Variants in LRRC31 observed in about 807,000 individuals in gnomAD.
The protein encoded by LRRC31 is leucine-rich repeat-containing protein 31.
LRRC31 carries 35 observed loss-of-function variants against 46.7 expected under a neutral mutation model. That is an observed-to-expected ratio of 0.75 (90% CI 0.57 to 0.99). The LOEUF (loss-of-function observed/expected upper bound fraction) is 0.99, where lower values mean the gene tolerates loss of function less well. LRRC31 is among the 50% of genes least tolerant of loss of function. LRRC31 has a pLI of 0.00. For missense variants in LRRC31, 613 were observed against 626.1 expected, an observed-to-expected ratio of 0.98 and a Z score of 0.22; for synonymous variants, 236 against 235.1, an observed-to-expected ratio of 1.00 and a Z score of -0.03.
rs767089845 is a variant in LRRC31, at chr3:169,854,881, A to G, written c.923T>C (p.Met308Thr). ...GFEDSPAQLV[M>T]LKHLQVLDLH... ...ATCTAGGACTTGTAGATGCTTTAGC[A>G]TGACCAACTGAGCCGGCGAGTCTTC... Residue 308 changes from methionine to threonine, a missense_variant, in exon 6 of 9, where the codon ATG becomes ACG. Coordinates refer to ENST00000316428, the MANE Select transcript of LRRC31 (RefSeq NM_024727.4). 2 of 1,614,000 alleles carry G rather than the reference A, an allele frequency of 1.2e-6. No individual in the cohort carries two copies. Among genetic ancestry groups the G allele is most frequent in the South Asian group, 1.1e-5 (1 of 91,084 alleles).
intron 2 of LRRC31, 109 bp downstream of exon 2, chr3:169,861,561 A>C: frequency 9.2e-7 from 1 of 1,087,530 alleles, no homozygotes; most frequent in Non-Finnish European, 1.3e-6. Context: ...ATTGTCTGGG[A>C]CCACTCAGCA....
intron 8 of LRRC31, among the ~76,000 whole-genome samples, chr3:169,841,467 C>T (rs187545042): frequency 1.8e-4 from 27 of 152,268 alleles, no homozygotes; most frequent in South Asian, 6.2e-4. Flanking sequence ...CTCAGCCACC[C>T]GTGCACACAA....
chr3:169,866,086 T>C (rs1398452056), intron 1 of LRRC31, among the ~76,000 whole-genome samples: 3 of 152,090 alleles, frequency 2.0e-5, no homozygotes, highest in East Asian at 1.9e-4. Context: ...CTTGGGAATA[T>C]AGGTGAGAGA....
intron 8 of LRRC31, among the ~76,000 whole-genome samples, chr3:169,847,543 TC>T (rs1159749482): frequency 6.6e-6 from 1 of 152,218 alleles, no homozygotes; most frequent in Non-Finnish European, 1.5e-5. Context: ...CAAAAGTTAT[TC>T]CTTATTCAAT....
intron 5 of LRRC31, among the ~76,000 whole-genome samples, chr3:169,855,336 G>A (rs903877331): frequency 4.6e-5 from 7 of 152,166 alleles, no homozygotes; most frequent in Admixed American, 4.6e-4. Context: ...GAGGTTGAGG[G>A]AACACACTGT....
intron 1 of LRRC31, among the ~76,000 whole-genome samples, chr3:169,862,882 C>CTT (rs1225591112): frequency 7.0e-6 from 1 of 143,574 alleles, no homozygotes; most frequent in African/African-American, 2.5e-5. Flanking sequence ...TTTTTTCTTT[C>CTT]TTTTTTTTTT....
chr3:169,865,434 T>C (rs539941857), intron 1 of LRRC31, among the ~76,000 whole-genome samples: 1 of 145,622 alleles, frequency 6.9e-6, no homozygotes, highest in African/African-American at 2.4e-5. Context: ...GGCCTTTTCC[T>C]AGCTGTGTTA....
chr3:169,868,034 G>T (rs1371392025), intron 1 of LRRC31, among the ~76,000 whole-genome samples: 1 of 152,226 alleles, frequency 6.6e-6, no homozygotes, highest in Non-Finnish European at 1.5e-5. Flanking sequence ...ATGTAGCAAT[G>T]TGGGAATTGA....
intron 6 of LRRC31, among the ~76,000 whole-genome samples, chr3:169,852,916 T>A (rs1780831341): frequency 6.6e-6 from 1 of 152,194 alleles, no homozygotes; most frequent in Non-Finnish European, 1.5e-5. Flanking sequence ...TTATAGGAAC[T>A]ATCTCACTCC....
chr3:169,850,291 T>TGAGTATTTTGCTCAGCTC (rs1780717846), intron 7 of LRRC31, among the ~76,000 whole-genome samples: 1 of 152,266 alleles, frequency 6.6e-6, no homozygotes, highest in African/African-American at 2.4e-5. Flanking sequence ...TGGCTCAGCC[T>TGAGTATTTTGCTCAGCTC]GAGTATTTTG....
At chr3:169,852,033 A>C (rs555613150) in intron 6 of LRRC31, among the ~76,000 whole-genome samples, 2 of 152,200 alleles carry the variant, frequency 1.3e-5, no homozygotes, top group South Asian at 4.2e-4. Context: ...TGGATCTGCT[A>C]CTAAAGAACT....
chr3:169,860,758 T>C (rs748084345), intron 2 of LRRC31, 30 bp from the exon 3 acceptor site: 2 of 1,600,810 alleles, frequency 1.2e-6, no homozygotes, highest in South Asian at 2.2e-5. Context: ...AATACAGATA[T>C]GTGTATGTGA....
chr3:169,860,745 G>A lies in LRRC31; in HGVS notation c.320-17C>T. The A allele has an allele frequency of 5.0e-6, 8 of 1,610,340 alleles. No homozygotes were observed. Among genetic ancestry groups the A allele is most frequent in the Non-Finnish European group, 6.8e-6 (8 of 1,176,886 alleles). On this transcript the variant is annotated splice_polypyrimidine_tract_variant and intron_variant, in intron 2 of 8. Transcript: ENST00000316428. Reference sequence around the variant, plus strand: ...GCAAGGCAACTAGAAGTGAACAGAAGAAAATACAGATATGTGTATGTGACT... The same window carrying A: ...GCAAGGCAACTAGAAGTGAACAGAAAAAAATACAGATATGTGTATGTGACT...
At position 169,840,691 on chromosome 3, in the gene LRRC31, T is replaced by G. The variant is rs561959508; in HGVS notation, c.1328-378A>C. Reference sequence around the variant, plus strand: ...TCATCTTGCTGCTTTAATTGTTCATTTTCATTCATTCAGTACTTCTTCATC... The same window carrying G: ...TCATCTTGCTGCTTTAATTGTTCATGTTCATTCATTCAGTACTTCTTCATC... On this transcript the variant is annotated intron_variant, in intron 8 of 8. Coordinates refer to ENST00000316428, the MANE Select transcript of LRRC31 (RefSeq NM_024727.4). Among the ~76,000 whole-genome samples the G allele has an allele frequency of 1.8e-4, 28 of 152,356 alleles. No individual in the cohort carries two copies. The South Asian group carries it at 5.8e-3, about 32-fold the overall frequency.
In LRRC31 at chr3:169,850,534, G is replaced by C. The variant is rs1015148389; in HGVS notation, c.1159+1085C>G. Among the ~76,000 whole-genome samples, 9 of 152,250 alleles carry C rather than the reference G, an allele frequency of 5.9e-5. No homozygotes were observed. In the East Asian group the frequency reaches 1.7e-3, roughly 29 times the overall value. On this transcript the variant is annotated intron_variant, in intron 7 of 8. Coordinates refer to ENST00000316428, the MANE Select transcript of LRRC31 (RefSeq NM_024727.4). ...TAAAACTGATTACAGTTATTCTGTG[G>C]GGAAGAGTATGGTACATTTTCTGTA...
chr3:169,845,685 T>G (rs537294779), intron 8 of LRRC31, among the ~76,000 whole-genome samples: 1 of 152,166 alleles, frequency 6.6e-6, no homozygotes, highest in Non-Finnish European at 1.5e-5. Flanking sequence ...CCATACCTCA[T>G]ACCTTATATA....
intron 1 of LRRC31, among the ~76,000 whole-genome samples, chr3:169,864,347 G>A (rs1250741546): frequency 3.3e-5 from 5 of 152,234 alleles, no homozygotes; most frequent in East Asian, 1.9e-4. Context: ...ACTGACAGAC[G>A]CAGAAATCTC....
At chr3:169,846,646 TAA>T (rs759248411) in intron 8 of LRRC31, among the ~76,000 whole-genome samples, 1 of 132,284 alleles carries the variant, frequency 7.6e-6, no homozygotes. Flanking sequence ...AAACTCTGTC[TAA>T]AAAAAAAAAG....
intron 8 of LRRC31, among the ~76,000 whole-genome samples, chr3:169,845,490 A>G (rs993592368): frequency 6.6e-6 from 1 of 152,222 alleles, no homozygotes; most frequent in Non-Finnish European, 1.5e-5. Context: ...ACAGCGTGAT[A>G]TTGGTAAAAT....
Sources: allele counts gnomAD v4.1 joint callset (sites outside exome capture counted in the v4.1 genomes callset), GRCh38; gene constraint gnomAD v4.1.1; transcripts MANE v1.5; gene names NCBI Gene and HGNC (gene_info 2026-07-23, HGNC 2026-07-21).